The following NAV3 variants were observed in gnomAD, a reference collection of about 807,000 sequenced individuals.
NAV3 encodes the protein neuron navigator 3.
NAV3 carries 87 observed loss-of-function variants against 244.7 expected under a neutral mutation model. That is an observed-to-expected ratio of 0.36 (90% CI 0.30 to 0.42). The LOEUF is 0.42. Among genes scored for constraint, NAV3 ranks in the 20% least tolerant of loss-of-function variants. NAV3 has a pLI of 1.00. For synonymous variants in NAV3, 1,126 were observed against 1,042.2 expected, an observed-to-expected ratio of 1.08 and a Z score of -1.55; for missense variants, 2,663 against 2,893.3, an observed-to-expected ratio of 0.92 and a Z score of 1.83.
rs200037827 is a variant in NAV3, at chr12:78,006,504, C to G, written c.966C>G (p.Ala322=). 3 of 1,613,920 alleles carry G rather than the reference C, an allele frequency of 1.9e-6. No homozygotes were observed. Among genetic ancestry groups the G allele is most frequent in the Non-Finnish European group, 2.5e-6 (3 of 1,180,028 alleles). Residue 322 remains alanine, a synonymous_variant, in exon 8 of 40, where the codon GCC becomes GCG. Coordinates refer to ENST00000397909, the MANE Select transcript of NAV3 (RefSeq NM_001024383.2). ...PSTAGQPPAS[A]IPSPSASKPW... ...CTGCTGGGCAGCCTCCTGCCTCTGC[C>G]ATCCCTTCTCCAAGTGCCAGCAAGC...
chr12:78,169,578 C>G (rs1957919361), intron 24 of NAV3, among the ~76,000 whole-genome samples: 1 of 151,642 alleles, frequency 6.6e-6, no homozygotes, highest in African/African-American at 2.4e-5. Flanking sequence ...AGCTCTTTCC[C>G]AGCTTAAAAA....
chr12:77,688,614 C>T lies in NAV3; in HGVS notation c.72+116348C>T, dbSNP rs186363507. ...CTAAGAGGGTGGAATAGTTCAAATA[C>T]CAGTGATCAAAGTACAGTTATTAGA... is the stretch of plus-strand genomic sequence containing the variant. On this transcript the variant is annotated intron_variant, in intron 2 of 8. Coordinates refer to the NAV3 transcript ENST00000550042. 2.0e-3 allele frequency among the ~76,000 whole-genome samples: 300 copies of T among 152,018 alleles called. 4 individuals carry two copies. The highest frequency in any genetic ancestry group is 2.9e-3 in the South Asian group (14 of 4,824).
chr12:78,143,485 G>A, intron 20 of NAV3: 2 of 357,852 alleles, frequency 5.6e-6, no homozygotes, highest in South Asian at 4.0e-5. Context: ...ACAGAAATTA[G>A]CCCGGTGTAG....
intron 1 of NAV3, among the ~76,000 whole-genome samples, chr12:77,928,476 AC>A (rs1888451620): frequency 6.6e-6 from 1 of 151,980 alleles, no homozygotes; most frequent in African/African-American, 2.4e-5. Flanking sequence ...AAATTGTCTG[AC>A]CTGTTCCCGA....
In NAV3 at chr12:77,901,806, GCTC is replaced by G. The variant is rs1419128202; in HGVS notation, c.244-38509_244-38507del. Among the ~76,000 whole-genome samples, 6 of 152,248 alleles carry G rather than the reference GCTC, an allele frequency of 3.9e-5. No homozygotes were observed. The East Asian group carries it at 1.2e-3, about 29-fold the overall frequency. On this transcript the variant is annotated intron_variant, in intron 1 of 39. Transcript: ENST00000397909. ...TACCAGTCTCAGCTGAGCTACTTTGGCTCCTCAAAGAGGAGGCATCTCTTCCTC... is the reference window on the plus strand; with the variant it reads ...TACCAGTCTCAGCTGAGCTACTTTGGCTCAAAGAGGAGGCATCTCTTCCTC...
At chr12:77,658,669 G>A (rs1239576151) in intron 2 of NAV3, among the ~76,000 whole-genome samples, 2 of 151,996 alleles carry the variant, frequency 1.3e-5, no homozygotes, top group African/African-American at 4.8e-5. Context: ...TAAGCCAAAA[G>A]AACAAAGCTG....
intron 2 of NAV3, among the ~76,000 whole-genome samples, chr12:77,729,919 G>T (rs1240347818): frequency 1.3e-5 from 2 of 151,958 alleles, no homozygotes; most frequent in Admixed American, 6.6e-5. Flanking sequence ...CTATATCCAA[G>T]ATTTAGCTCT....
At chr12:77,745,489 T>C (rs1868488616) in intron 2 of NAV3, among the ~76,000 whole-genome samples, 1 of 151,916 alleles carries the variant, frequency 6.6e-6, no homozygotes, top group Admixed American at 6.6e-5. Flanking sequence ...TAAGGACACA[T>C]GGATATGAAG....
chr12:77,921,886 C>A (rs1001751809), intron 1 of NAV3, among the ~76,000 whole-genome samples: 1 of 152,060 alleles, frequency 6.6e-6, no homozygotes, highest in Non-Finnish European at 1.5e-5. Context: ...GTCAATGAAT[C>A]TGAGCTTCAA....
At chr12:77,781,153 GTAAACCCGAAA>G (rs1188975444) in intron 2 of NAV3, among the ~76,000 whole-genome samples, 1 of 152,076 alleles carries the variant, frequency 6.6e-6, no homozygotes, top group East Asian at 1.9e-4. Flanking sequence ...GTTTCATTCC[GTAAACCCGAAA>G]TAAGATTCTG....
At chr12:78,193,193 T>G (rs1181994628) in intron 34 of NAV3, among the ~76,000 whole-genome samples, 5 of 152,224 alleles carry the variant, frequency 3.3e-5, no homozygotes, top group African/African-American at 4.8e-5. Context: ...CATCTTTTCA[T>G]GTTTTCAGTA....
rs1397823822 is a variant in NAV3 at position 78,119,557 on chromosome 12, G to T, written c.3361G>T (p.Asp1121Tyr). 6.2e-7 allele frequency: 1 copy of T among 1,614,204 alleles called. No individual in the cohort carries two copies. The highest frequency in any genetic ancestry group is 8.5e-7 in the Non-Finnish European group (1 of 1,180,034). The change falls in exon 15 of 40, where the codon GAT (aspartate) becomes TAT (tyrosine). Residue 1121 changes from aspartate to tyrosine, a missense_variant. By Grantham distance (160) the Asp-to-Tyr change is radical. This residue lies in a region of NAV3 where 1,521 missense variants were observed against 1,497.0 expected (regional missense o/e 1.02). Coordinates refer to ENST00000397909, the MANE Select transcript of NAV3 (RefSeq NM_001024383.2). ...KTSLDGSQNQ[D>Y]DVVLHVSSKT... ...CAGTTTGGACGGTTCACAGAATCAG[G>T]ATGATGTTGTGCTGCATGTTAGCTC...
chr12:77,868,223 C>CAAT (rs542102889), intron 1 of NAV3, among the ~76,000 whole-genome samples: 1 of 102,390 alleles, frequency 9.8e-6, no homozygotes, highest in African/African-American at 3.5e-5. Flanking sequence ...CCTCCTAAAA[C>CAAT]AACAACAACA....
chr12:77,912,615 T>G (rs957048523), intron 1 of NAV3, among the ~76,000 whole-genome samples: 1 of 152,032 alleles, frequency 6.6e-6, no homozygotes, highest in African/African-American at 2.4e-5. Context: ...TGTAGTTTTG[T>G]GGGGGTTTTT....
At chr12:77,864,109 C>A (rs1319524437) in intron 1 of NAV3, among the ~76,000 whole-genome samples, 1 of 151,836 alleles carries the variant, frequency 6.6e-6, no homozygotes, top group African/African-American at 2.4e-5. Context: ...TCATTTAAAT[C>A]CTGTGATCAG....
At chr12:77,822,436 A>C (rs968210172) in intron 2 of NAV3, among the ~76,000 whole-genome samples, 1 of 152,152 alleles carries the variant, frequency 6.6e-6, no homozygotes, top group African/African-American at 2.4e-5. Context: ...CCACAAATAC[A>C]CTGTATGAGC....
intron 1 of NAV3, among the ~76,000 whole-genome samples, chr12:77,886,270 T>C (rs1450021473): frequency 2.6e-5 from 4 of 152,146 alleles, no homozygotes; most frequent in Non-Finnish European, 5.9e-5. Flanking sequence ...CTAGTAACAT[T>C]CAAGGGCTTC....
At chr12:78,028,672 A>C (rs566173358) in intron 9 of NAV3, among the ~76,000 whole-genome samples, 1 of 152,330 alleles carries the variant, frequency 6.6e-6, no homozygotes, top group Non-Finnish European at 1.5e-5. Flanking sequence ...GCTAACAAAA[A>C]GGCTTGGATC....
At chr12:77,774,918 C>T (rs1260854609) in intron 2 of NAV3, among the ~76,000 whole-genome samples, 2 of 152,172 alleles carry the variant, frequency 1.3e-5, no homozygotes, top group African/African-American at 4.8e-5. Context: ...TAGTATATTT[C>T]TGTATCATAG....
Sources: allele counts gnomAD v4.1 joint callset (sites outside exome capture counted in the v4.1 genomes callset), GRCh38; gene constraint gnomAD v4.1.1; regional missense constraint gnomAD v4.1.1; transcripts MANE v1.5; gene names NCBI Gene and HGNC (gene_info 2026-07-23, HGNC 2026-07-21).